Variants in MINDY3 observed in about 807,000 individuals in gnomAD.
The protein encoded by MINDY3 is MINDY lysine 48 deubiquitinase 3.
A neutral mutation model predicts 69.2 loss-of-function variants in MINDY3; 38 were observed. The observed-to-expected ratio is 0.55, with a 90% CI of 0.42 to 0.72. The LOEUF (loss-of-function observed/expected upper bound fraction) is 0.72, where lower values mean the gene tolerates loss of function less well. Among genes scored for constraint, MINDY3 ranks in the 30% least tolerant of loss-of-function variants. The pLI is 0.00. For synonymous variants in MINDY3, 192 were observed against 180.1 expected, an observed-to-expected ratio of 1.07 and a Z score of -0.53; for missense variants, 522 against 519.0, an observed-to-expected ratio of 1.01 and a Z score of -0.06.
Position 15,817,295 on chromosome 10 carries a change from A to G in MINDY3, c.802-380T>C, listed in dbSNP as rs77696579. 6.1e-4 allele frequency: 98 copies of G among 161,566 alleles called. 2 individuals are homozygous for G. The East Asian group carries it at 0.013, about 22-fold the overall frequency. 10.0% of individuals were successfully genotyped at this position (161,566 alleles called of 1,614,324 possible). A position where few individuals can be genotyped will look rare whatever the true frequency, so the allele number is the denominator to read the frequency against. The stretch of plus-strand genomic sequence containing the variant: ...TAAACTTGACGATAATAACTTTATA[A>G]GGAAAATAATTATAGTTTATCAAAT... On this transcript the variant is annotated intron_variant, in intron 9 of 14. Coordinates refer to ENST00000277632, the MANE Select transcript of MINDY3 (RefSeq NM_024948.4).
intron 4 of MINDY3, 67 bp from the exon 5 acceptor site, chr10:15,838,346 G>T: frequency 7.3e-7 from 1 of 1,373,970 alleles, no homozygotes. Context: ...CACACAGCAG[G>T]CTGTAAATAC....
chr10:15,848,484 A>C (rs1388796367), intron 1 of MINDY3, among the ~76,000 whole-genome samples: 2 of 151,882 alleles, frequency 1.3e-5, no homozygotes, highest in Admixed American at 6.6e-5. Context: ...AATACAAAAA[A>C]TTAGCCAGGT....
intron 2 of MINDY3, among the ~76,000 whole-genome samples, chr10:15,844,422 AT>A (rs1214365238): frequency 1.3e-5 from 2 of 152,116 alleles, no homozygotes; most frequent in African/African-American, 4.8e-5. Flanking sequence ...ATCTTTTTTA[AT>A]ATCTAGTTTT....
intron 1 of MINDY3, among the ~76,000 whole-genome samples, chr10:15,850,538 A>T (rs541203204): frequency 6.6e-6 from 1 of 152,180 alleles, no homozygotes; most frequent in Non-Finnish European, 1.5e-5. Context: ...ATACAGTTGT[A>T]GATAAGGGAC....
chr10:15,795,549 G>A (rs527757007), intron 11 of MINDY3, among the ~76,000 whole-genome samples: 12 of 152,076 alleles, frequency 7.9e-5, no homozygotes, highest in Admixed American at 1.3e-4. Flanking sequence ...AGTCTTAACC[G>A]TTACCTAAAT....
intron 10 of MINDY3, among the ~76,000 whole-genome samples, chr10:15,809,099 A>G (rs1358322323): frequency 6.6e-6 from 1 of 152,188 alleles, no homozygotes; most frequent in Non-Finnish European, 1.5e-5. Flanking sequence ...TCCCAATTCG[A>G]GGGAAATTAA....
chr10:15,846,245 C>T (rs2132109563), intron 2 of MINDY3, among the ~76,000 whole-genome samples: 1 of 152,308 alleles, frequency 6.6e-6, no homozygotes, highest in East Asian at 1.9e-4. Context: ...ATATACTGTA[C>T]TTTATAAAAC....
intron 4 of MINDY3, among the ~76,000 whole-genome samples, chr10:15,839,974 G>T (rs1349225174): frequency 6.6e-6 from 1 of 151,580 alleles, no homozygotes; most frequent in African/African-American, 2.4e-5. Flanking sequence ...CTATAGCAAC[G>T]TGACGTATCA....
At chr10:15,798,419 G>T (rs895746976) in intron 10 of MINDY3, among the ~76,000 whole-genome samples, 1 of 151,162 alleles carries the variant, frequency 6.6e-6, no homozygotes, top group East Asian at 1.9e-4. Context: ...AGTGTAAAAA[G>T]AATTTAAAGT....
chr10:15,826,706 T>C (rs1840107704), intron 8 of MINDY3, among the ~76,000 whole-genome samples: 1 of 152,160 alleles, frequency 6.6e-6, no homozygotes, highest in Non-Finnish European at 1.5e-5. Flanking sequence ...AAGTTTTGCA[T>C]AAGAAGTCAC....
chr10:15,816,034 G>A (rs1010485804), intron 10 of MINDY3, among the ~76,000 whole-genome samples: 39 of 152,228 alleles, frequency 2.6e-4, no homozygotes, highest in African/African-American at 8.9e-4. Context: ...GGGAGGCAGA[G>A]GTGGGCAGAT....
intron 2 of MINDY3, among the ~76,000 whole-genome samples, chr10:15,845,785 G>A (rs1284059428): frequency 1.3e-5 from 2 of 148,310 alleles, no homozygotes; most frequent in Non-Finnish European, 3.0e-5. Context: ...GGGCTTACAG[G>A]TGTGAGCCAC....
chr10:15,831,681 T>C (rs905633544), intron 8 of MINDY3, among the ~76,000 whole-genome samples: 9 of 149,496 alleles, frequency 6.0e-5, no homozygotes, highest in African/African-American at 2.2e-4. Flanking sequence ...TTCTTTTTTT[T>C]TTTTTTTTTT....
chr10:15,827,175 GTA>G (rs1840143278), intron 8 of MINDY3, among the ~76,000 whole-genome samples: 1 of 23,688 alleles, frequency 4.2e-5, no homozygotes. Context: ...TATAACAGGA[GTA>G]AAAAAAAAAA....
intron 10 of MINDY3, among the ~76,000 whole-genome samples, chr10:15,798,464 GTT>G (rs35810825): frequency 1.4e-5 from 2 of 141,718 alleles, no homozygotes; most frequent in African/African-American, 2.6e-5. Context: ...AGTGCCAAGT[GTT>G]TTTTTTTTTT....
rs551074697 is a variant in MINDY3 at position 15,802,907 on chromosome 10, C to A, written c.883-6735G>T. On this transcript the variant is annotated intron_variant, in intron 10 of 14. Coordinates refer to ENST00000277632, the MANE Select transcript of MINDY3 (RefSeq NM_024948.4). ...TTTAGGCAATAACTCTTAATCACACCACTTAAAAAAGATGTGTTTACACTA... is the reference window on the plus strand; with the variant it reads ...TTTAGGCAATAACTCTTAATCACACAACTTAAAAAAGATGTGTTTACACTA... Among the ~76,000 whole-genome samples, 6 of 151,724 alleles carry A rather than the reference C, an allele frequency of 4.0e-5. No individual in the cohort carries two copies. The South Asian group carries it at 1.2e-3, about 32-fold the overall frequency.
chr10:15,823,355 T>C lies in MINDY3; in HGVS notation c.731-1629A>G, dbSNP rs530321969. 5.3e-5 allele frequency among the ~76,000 whole-genome samples: 8 copies of C among 152,264 alleles called. No homozygotes were observed. The East Asian group carries it at 1.5e-3, about 29-fold the overall frequency. ...TCATAATATGATGTTAATTACCTTTTTACACTTACTCTCTCATAAGCACAG... is the reference window on the plus strand; with the variant it reads ...TCATAATATGATGTTAATTACCTTTCTACACTTACTCTCTCATAAGCACAG... On this transcript the variant is annotated intron_variant, in intron 8 of 14. Coordinates refer to ENST00000277632, the MANE Select transcript of MINDY3 (RefSeq NM_024948.4).
intron 10 of MINDY3, among the ~76,000 whole-genome samples, chr10:15,800,872 C>G (rs941470121): frequency 6.6e-6 from 1 of 152,104 alleles, no homozygotes; most frequent in African/African-American, 2.4e-5. Flanking sequence ...TATGTAAGTG[C>G]AGGGTTGCTA....
intron 8 of MINDY3, among the ~76,000 whole-genome samples, chr10:15,830,883 C>A (rs150735349): frequency 2.0e-5 from 3 of 152,112 alleles, no homozygotes; most frequent in Admixed American, 1.3e-4. Context: ...GTGGCCTGGT[C>A]GTTACACATC....
Sources: allele counts gnomAD v4.1 joint callset (sites outside exome capture counted in the v4.1 genomes callset), GRCh38; gene constraint gnomAD v4.1.1; transcripts MANE v1.5; gene names NCBI Gene and HGNC (gene_info 2026-07-23, HGNC 2026-07-21).